Variants in DYM observed in about 807,000 individuals in gnomAD.
DYM encodes the protein dymeclin.
In DYM, 78 loss-of-function variants were observed where a neutral mutation model predicts 93.1. The ratio of observed to expected loss-of-function variants is 0.84; its 90% confidence interval spans 0.70 to 1.01. The LOEUF (loss-of-function observed/expected upper bound fraction) is 1.01, where lower values mean the gene tolerates loss of function less well. DYM is among the 50% of genes least tolerant of loss of function. DYM has a pLI of 0.00. For synonymous variants in DYM, 321 were observed against 319.7 expected (o/e 1.00, Z -0.04); for missense variants, 789 against 845.0 (o/e 0.93, Z 0.82).
chr18:49,212,982 C>G (rs1364800510), intron 13 of DYM, among the ~76,000 whole-genome samples: 1 of 151,982 alleles, frequency 6.6e-6, no homozygotes, highest in Non-Finnish European at 1.5e-5. Context: ...TGGAGCTAGC[C>G]CATAAAAAAC....
At chr18:49,444,154 G>A (rs1249993104) in intron 1 of DYM, among the ~76,000 whole-genome samples, 2 of 152,134 alleles carry the variant, frequency 1.3e-5, no homozygotes, top group Admixed American at 6.6e-5. Context: ...TCAATCAGCA[G>A]GTACTCTGCA....
At chr18:49,369,743 T>A (rs1280852931) in intron 5 of DYM, among the ~76,000 whole-genome samples, 2 of 81,352 alleles carry the variant, frequency 2.5e-5, no homozygotes, top group East Asian at 7.4e-4. Flanking sequence ...AATAATTTTT[T>A]AAAAATAAGT....
chr18:49,214,332 C>G (rs934059406), intron 13 of DYM, among the ~76,000 whole-genome samples: 1 of 152,184 alleles, frequency 6.6e-6, no homozygotes, highest in African/African-American at 2.4e-5. Flanking sequence ...AAGACGAACC[C>G]TATTATGAAC....
chr18:49,170,888 T>A (rs1384787369), intron 14 of DYM, among the ~76,000 whole-genome samples: 1 of 140,408 alleles, frequency 7.1e-6, no homozygotes, highest in Non-Finnish European at 1.5e-5. Context: ...GGAGAAGAAC[T>A]AGGAAAGAAA....
chr18:49,407,705 G>C (rs1302535439), intron 2 of DYM, among the ~76,000 whole-genome samples: 2 of 152,108 alleles, frequency 1.3e-5, no homozygotes, highest in Non-Finnish European at 2.9e-5. Context: ...CTCCAACGTT[G>C]GAGGTCACAT....
chr18:49,145,138 T>TTA (rs2084977338), intron 15 of DYM, among the ~76,000 whole-genome samples: 1 of 35,034 alleles, frequency 2.9e-5, no homozygotes, highest in Admixed American at 3.4e-4. Flanking sequence ...TATATATAAT[T>TTA]TATATATATA....
chr18:49,407,489 T>C (rs2071638881), intron 2 of DYM, among the ~76,000 whole-genome samples: 1 of 152,146 alleles, frequency 6.6e-6, no homozygotes, highest in Non-Finnish European at 1.5e-5. Context: ...AAGCTTACAA[T>C]CATTGCAGAA....
intron 14 of DYM, among the ~76,000 whole-genome samples, chr18:49,174,655 A>G (rs1317599590): frequency 1.3e-5 from 2 of 152,170 alleles, no homozygotes; most frequent in Non-Finnish European, 2.9e-5. Flanking sequence ...TATAAGCTCT[A>G]GTTGAGCCAG....
At chr18:49,282,602 C>T (rs1298724948) in intron 9 of DYM, among the ~76,000 whole-genome samples, 2 of 152,180 alleles carry the variant, frequency 1.3e-5, no homozygotes, top group Non-Finnish European at 2.9e-5. Flanking sequence ...GAGAGTGAGA[C>T]TCTGTCTAAA....
chr18:49,344,174 G>GA (rs1489564359), intron 6 of DYM, among the ~76,000 whole-genome samples: 3 of 152,112 alleles, frequency 2.0e-5, no homozygotes, highest in Middle Eastern at 3.4e-3. Context: ...CATATCTGGG[G>GA]AAAAAATGAT....
At chr18:49,044,846 C>A (rs1290836921) in intron 17 of DYM, among the ~76,000 whole-genome samples, 1 of 152,254 alleles carries the variant, frequency 6.6e-6, no homozygotes, top group Non-Finnish European at 1.5e-5. Flanking sequence ...AAGGCCTAGG[C>A]CTGGCTCTAC....
At chr18:49,278,028 A>T (rs1568157292) in intron 10 of DYM, among the ~76,000 whole-genome samples, 1 of 152,228 alleles carries the variant, frequency 6.6e-6, no homozygotes, top group Non-Finnish European at 1.5e-5. Context: ...AAAGTGCATA[A>T]GAAGTAAAGG....
intron 6 of DYM, 118 bp downstream of exon 6, chr18:49,363,043 T>C (rs2066173449): frequency 1.3e-6 from 1 of 780,540 alleles, no homozygotes; most frequent in African/African-American, 1.7e-5. Context: ...GGATATAGAA[T>C]CCTTAAAAGG....
chr18:49,397,530 G>C (rs1266395819), intron 2 of DYM, among the ~76,000 whole-genome samples: 1 of 152,206 alleles, frequency 6.6e-6, no homozygotes, highest in Admixed American at 6.5e-5. Context: ...CAATACACAT[G>C]GTGCAGTAAA....
rs984381284 is a variant in DYM, at chr18:49,248,631, T to TA, written c.1460+8378dup. On this transcript the variant is annotated intron_variant, in intron 13 of 17. Coordinates refer to ENST00000675505, the MANE Select transcript of DYM (RefSeq NM_001353214.3). ...ATGAGGTTGAAATAAAATCGAAGTT[T>TA]AAAAAAAAAAACCAACTATAACACT... Among the ~76,000 whole-genome samples the TA allele has an allele frequency of 6.4e-4, 94 of 146,140 alleles. 1 individual carries two copies. The highest frequency in any genetic ancestry group is 1.6e-3 in the Admixed American group (23 of 14,602).
chr18:49,160,001 A>T (rs1350257931), intron 15 of DYM, among the ~76,000 whole-genome samples: 1 of 152,242 alleles, frequency 6.6e-6, no homozygotes, highest in South Asian at 2.1e-4. Context: ...AACTTCTCTG[A>T]AAGTTCAGTT....
chr18:49,103,951 G>A (rs1467680623), intron 16 of DYM, among the ~76,000 whole-genome samples: 3 of 152,092 alleles, frequency 2.0e-5, no homozygotes, highest in Admixed American at 2.0e-4. Flanking sequence ...CTGTGAAGAA[G>A]GTCATTGGTA....
intron 15 of DYM, among the ~76,000 whole-genome samples, chr18:49,135,654 C>T (rs1204773695): frequency 6.6e-6 from 1 of 152,152 alleles, no homozygotes; most frequent in African/African-American, 2.4e-5. Flanking sequence ...CTAAGAGAAA[C>T]TAACGTTTTC....
intron 8 of DYM, among the ~76,000 whole-genome samples, chr18:49,301,452 C>T (rs1216952194): frequency 6.8e-5 from 10 of 146,658 alleles, no homozygotes; most frequent in African/African-American, 1.3e-4. Context: ...ACCCGGGAGG[C>T]GGAGCTAGCA....
Sources: gnomAD v4.1 joint callset for allele counts (sites outside exome capture counted in the v4.1 genomes callset) on GRCh38, gnomAD v4.1.1 for gene constraint, MANE v1.5 for transcripts, NCBI Gene and HGNC (gene_info 2026-07-23, HGNC 2026-07-21) for gene names.